The following DNA2 variants were observed in gnomAD, a reference collection of about 807,000 sequenced individuals.
DNA2 encodes DNA replication helicase/nuclease 2.
DNA2 carries 101 observed loss-of-function variants against 119.1 expected under a neutral mutation model. The observed-to-expected ratio is 0.85, with a 90% CI of 0.72 to 1.00. The LOEUF (loss-of-function observed/expected upper bound fraction) is 1.00. Among genes scored for constraint, DNA2 ranks in the 50% least tolerant of loss-of-function variants. DNA2 has a pLI of 0.00. For missense variants in DNA2, 1,121 were observed against 1,255.5 expected, an observed-to-expected ratio of 0.89 and a Z score of 1.62; for synonymous variants, 366 against 424.4, an observed-to-expected ratio of 0.86 and a Z score of 1.69.
At chr10:68,438,475 C>T (rs1014245704) in intron 9 of DNA2, among the ~76,000 whole-genome samples, 6 of 149,610 alleles carry the variant, frequency 4.0e-5, no homozygotes, top group Non-Finnish European at 5.9e-5. Context: ...GCCAAGATCA[C>T]GCCATTGCAC....
intron 8 of DNA2, among the ~76,000 whole-genome samples, chr10:68,443,741 G>A (rs1032206971): frequency 2.0e-5 from 3 of 152,122 alleles, no homozygotes; most frequent in African/African-American, 7.2e-5. Flanking sequence ...CTGAGCTCAG[G>A]AGTTCGAGAC....
chr10:68,451,165 C>T (rs2052112881), intron 5 of DNA2, among the ~76,000 whole-genome samples: 1 of 150,640 alleles, frequency 6.6e-6, no homozygotes, highest in South Asian at 2.1e-4. Context: ...ATTCACCCAA[C>T]ACTTCATTCA....
intron 4 of DNA2, among the ~76,000 whole-genome samples, chr10:68,464,440 G>T (rs1263398849): frequency 1.3e-5 from 2 of 151,806 alleles, no homozygotes; most frequent in Non-Finnish European, 2.9e-5. Context: ...GCTTGAACCC[G>T]GGAGGTAGAG....
chr10:68,463,722 C>A (rs2052291249), intron 4 of DNA2, among the ~76,000 whole-genome samples: 1 of 151,412 alleles, frequency 6.6e-6, no homozygotes, highest in African/African-American at 2.4e-5. Flanking sequence ...CTTAAGGGAG[C>A]ACCATAATAA....
intron 10 of DNA2, among the ~76,000 whole-genome samples, chr10:68,434,759 C>T (rs1237972964): frequency 6.6e-6 from 1 of 152,170 alleles, no homozygotes; most frequent in East Asian, 1.9e-4. Context: ...AAAGGATACA[C>T]AAATCCAAGC....
Position 68,442,982 on chromosome 10 carries a change from C to T in DNA2, c.1350G>A (p.Leu450=). ...TTTTATTATCCTTCGATTGTGACTC[C>T]AGGGTTAACATTAGACACCAAAGGC... The part of the protein sequence containing the change: ...YFSLWCLMLT[L]ESQSKDNKKN... The change falls in exon 9 of 21, where the codon CTG becomes CTA. Residue 450 remains leucine, a synonymous_variant. Transcript: ENST00000358410. The T allele has an allele frequency of 6.2e-7, 1 of 1,612,530 alleles. No homozygotes were observed. The highest frequency in any genetic ancestry group is 8.5e-7 in the Non-Finnish European group (1 of 1,179,382).
At chr10:68,454,203 T>C (rs1447772073) in intron 5 of DNA2, among the ~76,000 whole-genome samples, 1 of 152,148 alleles carries the variant, frequency 6.6e-6, no homozygotes, top group Non-Finnish European at 1.5e-5. Context: ...ACCAATACAC[T>C]GAGTTCCTGA....
At chr10:68,426,086 A>G (rs1321330109) in intron 14 of DNA2, among the ~76,000 whole-genome samples, 2 of 152,040 alleles carry the variant, frequency 1.3e-5, no homozygotes, top group Non-Finnish European at 2.9e-5. Flanking sequence ...CAGAGAGCCA[A>G]GATCGGGCCA....
In DNA2 at chr10:68,445,057, C is replaced by T; in HGVS notation, c.1084G>A (p.Ala362Thr). 1.2e-6 allele frequency: 2 copies of T among 1,605,050 alleles called. No individual in the cohort carries two copies. Among genetic ancestry groups the T allele is most frequent in the South Asian group, 1.1e-5 (1 of 88,920 alleles). Residue 362 changes from alanine to threonine, a missense_variant, in exon 8 of 21, where the codon GCA (alanine) becomes ACA (threonine). By Grantham distance (58) the Ala-to-Thr change is moderately conservative. Transcript: ENST00000358410. ...CTAATACGGTGAAACAATGAGAATGCCATCTGGTTTCTTAGCTTTAATAAT... is the reference window on the plus strand; with the variant it reads ...CTAATACGGTGAAACAATGAGAATGTCATCTGGTTTCTTAGCTTTAATAAT... ...RELLKLRNQM[A>T]FSLFHRISKS...
rs773126390 is a variant in DNA2 at position 68,422,675 on chromosome 10, T to G, written c.2402+22A>C. 16 of 1,613,442 alleles carry G rather than the reference T, an allele frequency of 9.9e-6. No homozygotes were observed. In the African/African-American group the frequency reaches 2.1e-4, roughly 22 times the overall value. ...CCTTGAAAATAATCTAGTTTAAAAT[T>G]AACACTTAAGTGTCTGCCTACCTTG... On this transcript the variant is annotated intron_variant, in intron 15 of 20. Transcript: ENST00000358410.
At chr10:68,444,804 T>A in intron 8 of DNA2, 117 bp downstream of exon 8, 7 of 605,870 alleles carry the variant, frequency 1.2e-5, no homozygotes, top group South Asian at 5.0e-5. Flanking sequence ...CGAAGGAAAA[T>A]ATAAAGGAAA....
At chr10:68,460,914 A>AAG (rs1299432108) in intron 4 of DNA2, among the ~76,000 whole-genome samples, 2 of 151,930 alleles carry the variant, frequency 1.3e-5, no homozygotes, top group East Asian at 3.9e-4. Flanking sequence ...TGTTTAAAAA[A>AAG]AAAAAAAAAT....
intron 14 of DNA2, among the ~76,000 whole-genome samples, chr10:68,424,387 C>T (rs541317219): frequency 6.6e-6 from 1 of 151,956 alleles, no homozygotes; most frequent in South Asian, 2.1e-4. Flanking sequence ...ACCTATAGTC[C>T]CACCTACTTG....
intron 5 of DNA2, among the ~76,000 whole-genome samples, chr10:68,455,662 A>G (rs1017415223): frequency 7.2e-5 from 11 of 152,026 alleles, no homozygotes; most frequent in South Asian, 2.1e-4. Flanking sequence ...CTCTACTAAA[A>G]ATACAAAAAT....
At chr10:68,461,655 C>T (rs2052260422) in intron 4 of DNA2, 1 of 151,760 alleles carries the variant, frequency 6.6e-6, no homozygotes, top group Non-Finnish European at 1.5e-5. Context: ...GTGGAGAAAC[C>T]CCATCTCTAC....
intron 14 of DNA2, chr10:68,424,821 G>A: frequency 2.1e-6 from 2 of 968,164 alleles, no homozygotes; most frequent in Admixed American, 1.7e-5. Context: ...GGTGCAGCGT[G>A]AGTAGGCCAA....
At chr10:68,460,789 T>C (rs2052247684) in intron 4 of DNA2, among the ~76,000 whole-genome samples, 1 of 152,036 alleles carries the variant, frequency 6.6e-6, no homozygotes, top group Non-Finnish European at 1.5e-5. Context: ...TGTGAAACTA[T>C]AGTCCCAGCT....
chr10:68,472,101 T>G, upstream of DNA2: 1 of 1,531,850 alleles, frequency 6.5e-7, no homozygotes, highest in South Asian at 1.2e-5. Context: ...TGCTTAGGAC[T>G]GGGAATACAG....
At chr10:68,456,837 TAA>T (rs1213393803) in intron 5 of DNA2, among the ~76,000 whole-genome samples, 26 of 141,108 alleles carry the variant, frequency 1.8e-4, no homozygotes, top group Admixed American at 2.8e-4. Context: ...TCTGCCAGTT[TAA>T]AAAAAAAAAA....
Sources: allele counts gnomAD v4.1 joint callset (sites outside exome capture counted in the v4.1 genomes callset), GRCh38; gene constraint gnomAD v4.1.1; transcripts MANE v1.5; gene names NCBI Gene and HGNC (gene_info 2026-07-23, HGNC 2026-07-21).